Variants in XDH observed in about 807,000 individuals in gnomAD.
The protein encoded by XDH is xanthine dehydrogenase/oxidase.
Under a neutral mutation model 156.1 loss-of-function variants are expected in XDH, and 138 were observed. The observed-to-expected ratio is 0.88, with a 90% CI of 0.77 to 1.02. The LOEUF is 1.02. Ranked by LOEUF, XDH falls within the 50% of genes least tolerant of loss-of-function variation. The pLI, the probability that XDH is intolerant of heterozygous loss-of-function variation, is 0.00. For missense variants in XDH, 1,849 were observed against 1,684.9 expected, an observed-to-expected ratio of 1.10 and a Z score of -1.71; for synonymous variants, 669 against 625.7, an observed-to-expected ratio of 1.07 and a Z score of -1.03.
In XDH at chr2:31,339,554, G is replaced by C; in HGVS notation, c.3709C>G (p.Pro1237Ala). 1 of 1,614,196 alleles carries C rather than the reference G, an allele frequency of 6.2e-7. No individual in the cohort carries two copies. The highest frequency in any genetic ancestry group is 1.3e-5 in the African/African-American group (1 of 75,056). Residue 1237 changes from proline (P) to alanine (A), a missense_variant, in exon 34 of 36, where the codon CCC becomes GCC. By Grantham distance (27) the Pro-to-Ala change is conservative. Transcript: ENST00000379416. ...AGCAGGGACACCCTGAACTCAATGG[G>C]GATGCTGCCAAATGCCGGGATCTTG... ...TYKIPAFGSI[P>A]IEFRVSLLRD...
chr2:31,405,390 C>T (rs1466734007), intron 2 of XDH, among the ~76,000 whole-genome samples: 1 of 152,146 alleles, frequency 6.6e-6, no homozygotes, highest in Non-Finnish European at 1.5e-5. Context: ...CCCAGTCTTT[C>T]TAAGGAGTCC....
chr2:31,377,441 GA>G (rs201414354), intron 13 of XDH, among the ~76,000 whole-genome samples: 16 of 147,200 alleles, frequency 1.1e-4, no homozygotes, highest in South Asian at 4.4e-4. Flanking sequence ...CCCAGAAGCT[GA>G]AAAAAAAAAC....
At chr2:31,412,630 A>T (rs901588010) in intron 1 of XDH, among the ~76,000 whole-genome samples, 6 of 152,174 alleles carry the variant, frequency 3.9e-5, no homozygotes, top group Non-Finnish European at 5.9e-5. Context: ...TTAAAGTATA[A>T]TAATAAAAAA....
rs45592843 is a variant in XDH, at chr2:31,385,308, T to C, written c.793+1106A>G. Among the ~76,000 whole-genome samples, 1,354 of 152,326 alleles carry C rather than the reference T, an allele frequency of 8.9e-3. 17 individuals carry two copies. The highest frequency in any genetic ancestry group is 0.042 in the South Asian group (202 of 4,828). On this transcript the variant is annotated intron_variant, in intron 9 of 35. Coordinates refer to ENST00000379416, the MANE Select transcript of XDH (RefSeq NM_000379.4). ...GAGCCATGGCCATCAAGATCACATT[T>C]CTTGAGGTGTGTCTCAGCCCACCCT...
rs967670423 is a variant in XDH at position 31,366,167 on chromosome 2, C to T, written c.2323-58G>A. On this transcript the variant is annotated intron_variant, in intron 21 of 35. Transcript: ENST00000379416. ...TGCATTACCTGAACTTATTTCAGGC[C>T]TAAGGCAGAGCCTGTCCAACATGCA... 1.7e-5 allele frequency: 27 copies of T among 1,613,560 alleles called. No individual in the cohort carries two copies. In the African/African-American group the frequency reaches 3.1e-4, roughly 18 times the overall value.
chr2:31,362,462 C>A (rs1039136488), intron 24 of XDH, among the ~76,000 whole-genome samples: 2 of 152,088 alleles, frequency 1.3e-5, no homozygotes, highest in African/African-American at 4.8e-5. Context: ...ACTAGATAAG[C>A]CACAAGTAAA....
At chr2:31,390,109 C>A (rs189054922) in intron 6 of XDH, among the ~76,000 whole-genome samples, 24 of 152,240 alleles carry the variant, frequency 1.6e-4, no homozygotes, top group African/African-American at 5.8e-4. Flanking sequence ...CAGGTGTTGA[C>A]CCTTATGATA....
chr2:31,335,836 A>C lies in XDH; in HGVS notation c.*122T>G. ...TGCATTCACTTGTCTTCCAAATCCC[A>C]TCTTGACAAATCACAGGTCTGTCAT... On this transcript the variant is annotated 3_prime_UTR_variant, in exon 36 of 36. Coordinates refer to ENST00000379416, the MANE Select transcript of XDH (RefSeq NM_000379.4). 1 of 1,176,800 alleles carries C rather than the reference A, an allele frequency of 8.5e-7. No homozygotes were observed. Among genetic ancestry groups the C allele is most frequent in the African/African-American group, 1.5e-5 (1 of 66,222 alleles). The allele number at this position is 1,176,800 out of a possible 1,614,324, so 72.9% of individuals were successfully genotyped here.
At chr2:31,337,189 G>C (rs1272723280) in intron 35 of XDH, among the ~76,000 whole-genome samples, 1 of 152,008 alleles carries the variant, frequency 6.6e-6, no homozygotes, top group East Asian at 1.9e-4. Flanking sequence ...AATGGCACAT[G>C]ATCATCACAG....
chr2:31,343,809 A>T (rs1685208016), intron 31 of XDH, among the ~76,000 whole-genome samples: 2 of 119,714 alleles, frequency 1.7e-5, no homozygotes, highest in Non-Finnish European at 3.7e-5. Flanking sequence ...ATAAACATAT[A>T]TATGCCTAAC....
At chr2:31,411,999 C>T (rs45486298) in intron 1 of XDH, among the ~76,000 whole-genome samples, 2 of 151,898 alleles carry the variant, frequency 1.3e-5, no homozygotes, top group South Asian at 2.1e-4. Flanking sequence ...GTCACCGTGA[C>T]GATCTCTGTA....
chr2:31,349,023 T>G, intron 26 of XDH, 43 bp from the exon 27 acceptor site: 9 of 1,570,132 alleles, frequency 5.7e-6, no homozygotes, highest in Non-Finnish European at 7.9e-6. Flanking sequence ...CGCTATCATA[T>G]TGAGGACATG....
intron 24 of XDH, among the ~76,000 whole-genome samples, chr2:31,356,570 C>G (rs1296705307): frequency 6.6e-6 from 1 of 152,162 alleles, no homozygotes; most frequent in East Asian, 1.9e-4. Context: ...GGAGTGCCAC[C>G]AGCCACCAGA....
rs758438237 is a variant in XDH, at chr2:31,377,166, C to T, written c.1314G>A (p.Met438Ile). 6.2e-7 allele frequency: 1 copy of T among 1,614,178 alleles called. No individual in the cohort carries two copies. Among genetic ancestry groups the T allele is most frequent in the Non-Finnish European group, 8.5e-7 (1 of 1,180,042 alleles). ...EDDIAKVTSG[M>I]RVLFKPGTTE... ...TGGTTCCTGGCTTGAATAAAACTCTCATGCCACTGGTTACCTTGGCAATGT... is the reference window on the plus strand; with the variant it reads ...TGGTTCCTGGCTTGAATAAAACTCTTATGCCACTGGTTACCTTGGCAATGT... The change falls in exon 14 of 36, where the codon ATG becomes ATA. Residue 438 changes from methionine to isoleucine, a missense_variant. Met to Ile is a conservative substitution (Grantham distance 10). Coordinates refer to ENST00000379416, the MANE Select transcript of XDH (RefSeq NM_000379.4).
intron 15 of XDH, among the ~76,000 whole-genome samples, chr2:31,374,317 A>T (rs530324962): frequency 1.3e-5 from 2 of 152,312 alleles, no homozygotes; most frequent in Non-Finnish European, 2.9e-5. Context: ...GCATTTAATG[A>T]TATGGAAAAT....
chr2:31,375,011 C>CTTTTTT (rs1558693988), intron 15 of XDH, among the ~76,000 whole-genome samples: 1 of 109,902 alleles, frequency 9.1e-6, no homozygotes, highest in African/African-American at 4.8e-5. Flanking sequence ...TTCTTTCTTT[C>CTTTTTT]TTTCTTTCTT....
chr2:31,412,754 A>G (rs2148015984), intron 1 of XDH, among the ~76,000 whole-genome samples: 1 of 152,300 alleles, frequency 6.6e-6, no homozygotes, highest in African/African-American at 2.4e-5. Context: ...CACAGCTGCC[A>G]TTGTTTACCC....
At chr2:31,373,729 T>C (rs1272595643) in intron 16 of XDH, 144 bp downstream of exon 16, 17 of 778,638 alleles carry the variant, frequency 2.2e-5, no homozygotes, top group Non-Finnish European at 8.7e-6. Context: ...TCCCATTTTC[T>C]TCACTGGGTA....
rs13409029 is a variant in XDH at position 31,347,057 on chromosome 2, G to A, written c.3277-214C>T. Among the ~76,000 whole-genome samples, 13,202 of 152,216 alleles carry A rather than the reference G, an allele frequency of 0.087. 935 individuals are homozygous for A. Among genetic ancestry groups the A allele is most frequent in the African/African-American group, 0.2 (8,171 of 41,494 alleles). ...GCCACCACTAGTCCCTGCTTGGAGA[G>A]CACTTCCTGACTCAATTCTTAGGCT... On this transcript the variant is annotated intron_variant, in intron 29 of 35. Transcript: ENST00000379416.
Sources: allele counts gnomAD v4.1 joint callset (sites outside exome capture counted in the v4.1 genomes callset), GRCh38; gene constraint gnomAD v4.1.1; transcripts MANE v1.5; gene names NCBI Gene and HGNC (gene_info 2026-07-23, HGNC 2026-07-21).